The following COL23A1 variants were observed in gnomAD, a reference collection of about 807,000 sequenced individuals.
COL23A1 encodes the protein collagen type XXIII alpha 1 chain, also known as collagen alpha-1(XXIII) chain.
Under a neutral mutation model 99.3 loss-of-function variants are expected in COL23A1, and 97 were observed. That is an observed-to-expected ratio of 0.98 (90% confidence interval 0.83 to 1.16). The LOEUF is 1.16. Among genes scored for constraint, COL23A1 ranks in the 50% most tolerant of loss-of-function variants. The pLI, the probability that COL23A1 is intolerant of heterozygous loss-of-function variation, is 0.00. For synonymous variants in COL23A1, 320 were observed against 308.2 expected (o/e 1.04, Z -0.40); for missense variants, 762 against 757.4 (o/e 1.01, Z -0.07).
intron 27 of COL23A1, 99 bp from the exon 28 acceptor site, chr5:178,239,278 G>T: frequency 7.2e-7 from 1 of 1,390,896 alleles, no homozygotes; most frequent in Non-Finnish European, 1.0e-6. Flanking sequence ...GCAGGCCAGG[G>T]AGCGGCCATG....
intron 17 of COL23A1, 54 bp downstream of exon 17, chr5:178,252,490 G>A (rs1765088185): frequency 2.0e-6 from 3 of 1,516,220 alleles, no homozygotes; most frequent in Admixed American, 3.6e-5. Flanking sequence ...GGAAGAGGGA[G>A]GTGGGCCCTG....
chr5:178,372,739 AT>A (rs1398105527), intron 2 of COL23A1, among the ~76,000 whole-genome samples: 3 of 151,034 alleles, frequency 2.0e-5, no homozygotes, highest in East Asian at 2.0e-4. Flanking sequence ...CACCTGGCTA[AT>A]TTTTTTTGCA....
At chr5:178,323,186 C>T (rs1439710622) in intron 2 of COL23A1, among the ~76,000 whole-genome samples, 4 of 152,150 alleles carry the variant, frequency 2.6e-5, no homozygotes, top group Non-Finnish European at 4.4e-5. Flanking sequence ...CCCAAATGGT[C>T]CTCACCATGC....
chr5:178,508,799 G>A (rs1045582979), intron 2 of COL23A1, among the ~76,000 whole-genome samples: 3 of 152,180 alleles, frequency 2.0e-5, no homozygotes, highest in African/African-American at 7.2e-5. Context: ...TAGAGAGCAG[G>A]CTTTTGTTGT....
chr5:178,265,138 C>G (rs150568630), intron 8 of COL23A1, among the ~76,000 whole-genome samples: 1 of 152,214 alleles, frequency 6.6e-6, no homozygotes, highest in African/African-American at 2.4e-5. Flanking sequence ...GTTCCCTGAT[C>G]TGATATAGCT....
intron 12 of COL23A1, among the ~76,000 whole-genome samples, chr5:178,258,541 G>A (rs1282559974): frequency 1.3e-5 from 2 of 151,014 alleles, no homozygotes; most frequent in African/African-American, 4.9e-5. Context: ...GACTACAGGC[G>A]CCCGCCACCA....
In COL23A1 at chr5:178,403,165, A is replaced by G. The variant is rs1232020426; in HGVS notation, c.362-96246T>C. On this transcript the variant is annotated intron_variant, in intron 2 of 28. Transcript: ENST00000390654. ...AATACCATTTACCGAAATCTTCTAC[A>G]AGTCAGACACATATCAAACTGTTAC... 2.6e-5 allele frequency among the ~76,000 whole-genome samples: 4 copies of G among 151,804 alleles called. No homozygotes were observed. The East Asian group carries it at 7.7e-4, about 29-fold the overall frequency.
chr5:178,536,110 C>T (rs960432016), intron 2 of COL23A1, among the ~76,000 whole-genome samples: 1 of 152,260 alleles, frequency 6.6e-6, no homozygotes. Flanking sequence ...GCAAGGCAGC[C>T]ACTACGGAGG....
intron 2 of COL23A1, among the ~76,000 whole-genome samples, chr5:178,357,906 ATG>A (rs72270101): frequency 0.14 from 14,971 of 108,604 alleles, 1,074 homozygotes; most frequent in East Asian, 0.27. Context: ...TGTGTGTCTA[ATG>A]TGTGTGTATG....
intron 2 of COL23A1, among the ~76,000 whole-genome samples, chr5:178,447,012 T>C (rs1311032259): frequency 6.6e-6 from 1 of 152,208 alleles, no homozygotes; most frequent in Non-Finnish European, 1.5e-5. Flanking sequence ...TGATGGCTGT[T>C]AGGACATAGA....
intron 2 of COL23A1, among the ~76,000 whole-genome samples, chr5:178,506,353 G>A (rs915826566): frequency 1.3e-5 from 2 of 152,202 alleles, no homozygotes; most frequent in African/African-American, 4.8e-5. Flanking sequence ...GGCAGCAGCT[G>A]GTGCGTGCAC....
At chr5:178,527,515 A>G (rs2672826) in intron 2 of COL23A1, among the ~76,000 whole-genome samples, 135,680 of 152,316 alleles carry the variant, frequency 0.89, 60,540 homozygotes, top group East Asian at 0.97. Flanking sequence ...ATTTCCAGGA[A>G]GCGGCTGGCC....
At chr5:178,547,525 TCA>T (rs1320585104) in intron 2 of COL23A1, among the ~76,000 whole-genome samples, 2 of 27,022 alleles carry the variant, frequency 7.4e-5, no homozygotes, top group Admixed American at 5.3e-4. Flanking sequence ...ACCCACACAC[TCA>T]CACCCACAAA....
chr5:178,519,813 GGATAGATGGACA>G (rs1759836653), intron 2 of COL23A1, among the ~76,000 whole-genome samples: 2 of 152,338 alleles, frequency 1.3e-5, no homozygotes, highest in South Asian at 4.1e-4. Context: ...ATGCATGGGA[GGATAGATGGACA>G]GATAGATGGA....
At chr5:178,242,020 A>C in intron 27 of COL23A1, 22 bp downstream of exon 27, 1 of 1,541,674 alleles carries the variant, frequency 6.5e-7, no homozygotes, top group Non-Finnish European at 8.8e-7. Context: ...GACCTGGGGC[A>C]GGGCCCTCCT....
intron 2 of COL23A1, among the ~76,000 whole-genome samples, chr5:178,459,254 G>A (rs1342238378): frequency 6.6e-6 from 1 of 152,030 alleles, no homozygotes. Flanking sequence ...TTTTTAAAAT[G>A]CCTTTGACTT....
intron 2 of COL23A1, among the ~76,000 whole-genome samples, chr5:178,516,381 G>A (rs1321535058): frequency 2.0e-5 from 3 of 152,202 alleles, no homozygotes; most frequent in African/African-American, 7.2e-5. Flanking sequence ...CGTGCCCAAA[G>A]GCGCTGCCCG....
rs975333816 is a variant in COL23A1 at position 178,586,416 on chromosome 5, C to G, written c.294+3488G>C. On this transcript the variant is annotated intron_variant, in intron 1 of 28. Transcript: ENST00000390654. ...TAGGAAACCTCAGGCATGGTCTGCT[C>G]TGCTCTGCCTCTGGTATAAATTCAT... Among the ~76,000 whole-genome samples, 19 of 152,312 alleles carry G rather than the reference C, an allele frequency of 1.2e-4. 1 individual carries two copies. The highest frequency in any genetic ancestry group is 7.8e-4 in the Admixed American group (12 of 15,304).
At chr5:178,409,206 C>T (rs1279273438) in intron 2 of COL23A1, among the ~76,000 whole-genome samples, 1 of 152,092 alleles carries the variant, frequency 6.6e-6, no homozygotes, top group East Asian at 1.9e-4. Context: ...TGTGGTATAA[C>T]CGCACCATAA....
Sources: allele counts gnomAD v4.1 joint callset (sites outside exome capture counted in the v4.1 genomes callset), GRCh38; gene constraint gnomAD v4.1.1; transcripts MANE v1.5; gene names NCBI Gene and HGNC (gene_info 2026-07-23, HGNC 2026-07-21).